Variants in ADAM10 observed in about 807,000 individuals in gnomAD.
ADAM10 encodes disintegrin and metalloproteinase domain-containing protein 10.
ADAM10 carries 17 observed loss-of-function variants against 90.1 expected under a neutral mutation model. The observed-to-expected ratio is 0.19, with a 90% CI of 0.13 to 0.28. ADAM10 has a LOEUF of 0.28. Ranked by LOEUF, ADAM10 falls within the 10% of genes least tolerant of loss-of-function variation. The probability of loss-of-function intolerance (pLI) is 1.00; values close to 1 mark genes in which losing one functional copy is unlikely to be tolerated. For missense variants in ADAM10, 610 were observed against 914.3 expected, an observed-to-expected ratio of 0.67 and a Z score of 4.29; for synonymous variants, 310 against 298.6, an observed-to-expected ratio of 1.04 and a Z score of -0.40.
chr15:58,689,591 GATC>G (rs1286703960), intron 2 of ADAM10, among the ~76,000 whole-genome samples: 3 of 151,806 alleles, frequency 2.0e-5, no homozygotes, highest in South Asian at 2.1e-4. Flanking sequence ...CAATAAAAAA[GATC>G]ATTAAAAAAT....
intron 6 of ADAM10, 132 bp downstream of exon 6, chr15:58,645,923 T>C: frequency 1.1e-6 from 1 of 939,736 alleles, no homozygotes; most frequent in Non-Finnish European, 1.6e-6. Context: ...ATCTTACACA[T>C]TTTATCACAT....
intron 2 of ADAM10, among the ~76,000 whole-genome samples, chr15:58,701,009 A>C (rs1251132914): frequency 8.3e-6 from 1 of 121,034 alleles, no homozygotes; most frequent in Non-Finnish European, 1.7e-5. Context: ...CAACTTAAAA[A>C]AAAACAAAAA....
chr15:58,720,311 G>A (rs1397788125), intron 1 of ADAM10, among the ~76,000 whole-genome samples: 3 of 152,078 alleles, frequency 2.0e-5, no homozygotes, highest in Non-Finnish European at 4.4e-5. Context: ...TTCACAAGTA[G>A]CAAAGAAATT....
At chr15:58,645,454 A>G (rs1896521454) in intron 6 of ADAM10, among the ~76,000 whole-genome samples, 1 of 152,154 alleles carries the variant, frequency 6.6e-6, no homozygotes, top group African/African-American at 2.4e-5. Context: ...TCAAAATCCT[A>G]AGGGAAGAAC....
At chr15:58,634,852 C>T (rs1896206575) in intron 8 of ADAM10, among the ~76,000 whole-genome samples, 1 of 152,108 alleles carries the variant, frequency 6.6e-6, no homozygotes, top group African/African-American at 2.4e-5. Flanking sequence ...CCTCCCCTTC[C>T]CATTCTCCCC....
At chr15:58,597,686 C>G (rs759018072) in intron 15 of ADAM10, 45 bp from the exon 16 acceptor site, 8 of 1,604,538 alleles carry the variant, frequency 5.0e-6, no homozygotes, top group Non-Finnish European at 6.0e-6. Flanking sequence ...TTATCATGAG[C>G]TTTTTAATCT....
In ADAM10 at chr15:58,613,535, A is replaced by C. The variant is rs557835309; in HGVS notation, c.1512-1544T>G. ...TGAGGGAAAAGACACAAGAAAATAT[A>C]GATAAAAAATTCAATGAAACTAGGA... is the stretch of plus-strand genomic sequence containing the variant. On this transcript the variant is annotated intron_variant, in intron 11 of 15. Coordinates refer to ENST00000260408, the MANE Select transcript of ADAM10 (RefSeq NM_001110.4). Among the ~76,000 whole-genome samples, 11 of 152,358 alleles carry C rather than the reference A, an allele frequency of 7.2e-5. 1 individual carries two copies. In the South Asian group the frequency reaches 2.3e-3, roughly 32 times the overall value.
chr15:58,742,204 C>G (rs1054625627), intron 1 of ADAM10, among the ~76,000 whole-genome samples: 1 of 152,190 alleles, frequency 6.6e-6, no homozygotes, highest in African/African-American at 2.4e-5. Context: ...AATGTTCTCA[C>G]TGTATACATC....
intron 1 of ADAM10, 50 bp from the exon 2 acceptor site, chr15:58,717,777 T>A: frequency 6.3e-7 from 1 of 1,584,126 alleles, no homozygotes; most frequent in East Asian, 2.3e-5. Flanking sequence ...GAAGACCCCT[T>A]CTAGTTCTAA....
chr15:58,650,861 A>G (rs1398329765), intron 5 of ADAM10, among the ~76,000 whole-genome samples: 1 of 152,142 alleles, frequency 6.6e-6, no homozygotes, highest in Non-Finnish European at 1.5e-5. Flanking sequence ...TCTTAAAAAC[A>G]ATTCTTTATT....
At chr15:58,686,490 A>G (rs1897607413) in intron 2 of ADAM10, 4 of 1,419,866 alleles carry the variant, frequency 2.8e-6, no homozygotes, top group African/African-American at 1.4e-5. Flanking sequence ...GAGAGGATCA[A>G]TGTCTCTCAG....
chr15:58,741,777 C>A (rs1899624846), intron 1 of ADAM10, among the ~76,000 whole-genome samples: 2 of 152,170 alleles, frequency 1.3e-5, no homozygotes, highest in African/African-American at 4.8e-5. Flanking sequence ...GACTCAATCA[C>A]CCAATTTGTC....
chr15:58,733,378 G>A (rs1291666566), intron 1 of ADAM10, among the ~76,000 whole-genome samples: 1 of 152,142 alleles, frequency 6.6e-6, no homozygotes, highest in Non-Finnish European at 1.5e-5. Flanking sequence ...GACCTGGGTT[G>A]GGGTCTGCTG....
intron 2 of ADAM10, among the ~76,000 whole-genome samples, chr15:58,683,094 T>C (rs939903894): frequency 8.5e-5 from 13 of 152,142 alleles, no homozygotes; most frequent in African/African-American, 3.1e-4. Context: ...CTTTAAATAT[T>C]AGAGATTTTA....
rs1396589619 is a variant in ADAM10 at position 58,596,477 on chromosome 15, C to T, written c.*1070G>A. ...GCAAATTACTCATCTTTAGTGGTTACCAATGATCAGTGATGATATGCTGAA... is the reference window on the plus strand; with the variant it reads ...GCAAATTACTCATCTTTAGTGGTTATCAATGATCAGTGATGATATGCTGAA... On this transcript the variant is annotated 3_prime_UTR_variant, in exon 16 of 16. Transcript: ENST00000260408. 6 of 152,526 alleles carry T rather than the reference C, an allele frequency of 3.9e-5. No individual in the cohort carries two copies. Among genetic ancestry groups the T allele is most frequent in the Non-Finnish European group, 8.8e-5 (6 of 68,018 alleles). 9.4% of individuals were successfully genotyped at this position (152,526 alleles called of 1,614,324 possible).
rs78143575 is a variant in ADAM10, at chr15:58,619,289, T to C, written c.1511+2182A>G. ...GTGAGAGCAAAGTAAGTTGATCTCA[T>C]AGAGGTTAGAGAGTAGAATGGTGTT... On this transcript the variant is annotated intron_variant, in intron 11 of 15. Transcript: ENST00000260408. 7.3e-3 allele frequency among the ~76,000 whole-genome samples: 1,116 copies of C among 152,250 alleles called. 9 individuals carry two copies. Among genetic ancestry groups the C allele is most frequent in the Middle Eastern group, 0.01 (3 of 294 alleles).
rs1899022812 is a variant in ADAM10, at chr15:58,726,249, A to G, written c.56-8522T>C. ...AGATATTGTACACTGAACAACCTCTAAAAAATACAACAGGTATATCATCAT... is the reference window on the plus strand; with the variant it reads ...AGATATTGTACACTGAACAACCTCTGAAAAATACAACAGGTATATCATCAT... On this transcript the variant is annotated intron_variant, in intron 1 of 15. Transcript: ENST00000260408. Among the ~76,000 whole-genome samples the G allele has an allele frequency of 2.0e-5, 3 of 152,266 alleles. No individual in the cohort carries two copies. The South Asian group carries it at 6.2e-4, about 32-fold the overall frequency.
chr15:58,698,837 A>G, intron 2 of ADAM10, among the ~76,000 whole-genome samples: 1 of 152,192 alleles, frequency 6.6e-6, no homozygotes, highest in East Asian at 1.9e-4. Flanking sequence ...TCAGTGCCCC[A>G]GAAGGCAAAG....
intron 1 of ADAM10, chr15:58,747,205 T>A (rs569460996): frequency 3.2e-4 from 49 of 152,318 alleles, no homozygotes; most frequent in African/African-American, 1.2e-3. Context: ...AACTACAACA[T>A]AGGATGGGGC....
Sources: allele counts gnomAD v4.1 joint callset (sites outside exome capture counted in the v4.1 genomes callset), GRCh38; gene constraint gnomAD v4.1.1; transcripts MANE v1.5; gene names NCBI Gene and HGNC (gene_info 2026-07-23, HGNC 2026-07-21).